The following MEIS3 variants were observed in gnomAD, a reference collection of about 807,000 sequenced individuals.
MEIS3 encodes homeobox protein Meis3.
A neutral mutation model predicts 51.4 loss-of-function variants in MEIS3; 38 were observed. The observed-to-expected ratio is 0.74, with a 90% CI of 0.57 to 0.97. The LOEUF (loss-of-function observed/expected upper bound fraction) is 0.97. Ranked by LOEUF, MEIS3 falls within the 50% of genes least tolerant of loss-of-function variation. The pLI is 0.00. For synonymous variants in MEIS3, 198 were observed against 201.8 expected (o/e 0.98, Z 0.16); for missense variants, 456 against 502.6 (o/e 0.91, Z 0.89).
At chr19:47,408,933 C>G (rs933470482) in intron 8 of MEIS3, among the ~76,000 whole-genome samples, 166 bp downstream of exon 8, 6 of 152,024 alleles carry the variant, frequency 3.9e-5, no homozygotes, top group Non-Finnish European at 7.4e-5. Context: ...TCAGGTGACA[C>G]TCAGTGCTGC....
At chr19:47,417,722 C>G in intron 1 of MEIS3, 1 of 697,194 alleles carries the variant, frequency 1.4e-6, no homozygotes, top group Non-Finnish European at 2.6e-6. Context: ...GTAGGAACCG[C>G]GCATTGTTGT....
At position 47,416,966 on chromosome 19, in the gene MEIS3, G is replaced by C; in HGVS notation, c.186-3C>G. Reference sequence around the variant, plus strand: ...CCAAGAGGGGGAAGAGCGGGTGTCTGGGGAGGCAGGAAAGGAGAGAGGTTG... The same window carrying C: ...CCAAGAGGGGGAAGAGCGGGTGTCTCGGGAGGCAGGAAAGGAGAGAGGTTG... On this transcript the variant is annotated splice_polypyrimidine_tract_variant and splice_region_variant and intron_variant, in intron 2 of 12. Transcript: ENST00000558555. 6.4e-7 allele frequency: 1 copy of C among 1,574,134 alleles called. No homozygotes were observed. Among genetic ancestry groups the C allele is most frequent in the Non-Finnish European group, 8.6e-7 (1 of 1,159,658 alleles).
chr19:47,407,159 G>C (rs755601617), intron 9 of MEIS3, 22 bp from the exon 10 acceptor site: 1 of 1,603,334 alleles, frequency 6.2e-7, no homozygotes, highest in Non-Finnish European at 8.5e-7. Flanking sequence ...TCATGGAAAC[G>C]GAGGGGAATG....
Position 47,416,874 on chromosome 19 carries a change from C to G in MEIS3, c.275G>C (p.Gly92Ala). Residue 92 changes from glycine (G) to alanine (A), a missense_variant, in exon 3 of 13, where the codon GGG becomes GCG. Gly to Ala is a moderately conservative substitution (Grantham distance 60). Transcript: ENST00000558555. ...GCAGACGTCACCTCCAGGGGGTGTC[C>G]CCAGCCCAGCTCCGGCCCCGTCACG... is the stretch of plus-strand genomic sequence containing the variant. ...SPRDGAGAGL[G>A]TPPGGDVCSS... The G allele has an allele frequency of 6.2e-7, 1 of 1,613,972 alleles. No homozygotes were observed.
Position 47,407,461 on chromosome 19 carries a change from C to T in MEIS3, c.859-33G>A. On this transcript the variant is annotated intron_variant, in intron 8 of 12. Coordinates refer to ENST00000558555, the MANE Select transcript of MEIS3 (RefSeq NM_001301059.2). ...CACCAGCAAGAGTCACTCTGCCTGC[C>T]TGGCCGGCCGCAGTCTGAACCCCAA... The T allele has an allele frequency of 1.9e-6, 3 of 1,613,844 alleles. No individual in the cohort carries two copies. The South Asian group carries it at 3.3e-5, about 18-fold the overall frequency.
At chr19:47,404,302 C>T (rs974963475) in intron 12 of MEIS3, among the ~76,000 whole-genome samples, 3 of 152,108 alleles carry the variant, frequency 2.0e-5, no homozygotes, top group African/African-American at 7.2e-5. Context: ...CCTACCCACA[C>T]TTGGCCATGA....
At chr19:47,413,868 C>T (rs531310698) in intron 6 of MEIS3, among the ~76,000 whole-genome samples, 5 of 151,710 alleles carry the variant, frequency 3.3e-5, no homozygotes, top group Non-Finnish European at 7.4e-5. Context: ...GCTGGGACTA[C>T]AGGCACCCGC....
chr19:47,407,688 T>G, intron 8 of MEIS3: 269 of 544,204 alleles, frequency 4.9e-4, no homozygotes, highest in East Asian at 1.2e-3. Flanking sequence ...GAGACTGTGT[T>G]GGGGGAGGGG....
intron 6 of MEIS3, among the ~76,000 whole-genome samples, chr19:47,413,781 G>T (rs1317690104): frequency 6.6e-6 from 1 of 150,564 alleles, no homozygotes; most frequent in Non-Finnish European, 1.5e-5. Context: ...AGGCTGGAGT[G>T]CAGTGGTGCG....
chr19:47,405,758 C>A (rs1271478674), intron 12 of MEIS3, among the ~76,000 whole-genome samples: 2 of 152,042 alleles, frequency 1.3e-5, no homozygotes, highest in African/African-American at 4.8e-5. Context: ...CCATGTTGGC[C>A]AGGCTGGTCT....
At position 47,406,898 on chromosome 19, in the gene MEIS3, G is replaced by GACGGCC. The variant is rs1568419461; in HGVS notation, c.1062_1067dup (p.Ala355_Val356dup). 2 of 1,573,104 alleles carry GACGGCC rather than the reference G, an allele frequency of 1.3e-6. No homozygotes were observed. Among genetic ancestry groups the GACGGCC allele is most frequent in the Admixed American group, 1.8e-5 (1 of 55,070 alleles). On this transcript the variant is annotated inframe_insertion, in exon 11 of 13. Coordinates refer to ENST00000558555, the MANE Select transcript of MEIS3 (RefSeq NM_001301059.2). ...GGGGGCGAGGCTTACCCGGAGGCCGGACGGCCACGTGTGGCTGCGTCTCGG... is the reference window on the plus strand; with the variant it reads ...GGGGGCGAGGCTTACCCGGAGGCCGGACGGCCACGGCCACGTGTGGCTGCGTCTCGG...
intron 6 of MEIS3, 39 bp downstream of exon 6, chr19:47,414,678 T>G (rs1971305083): frequency 6.4e-7 from 1 of 1,553,008 alleles, no homozygotes; most frequent in East Asian, 2.4e-5. Flanking sequence ...GGCACAGCTG[T>G]GGCTGCAGGA....
rs554952476 is a variant in MEIS3 at position 47,411,571 on chromosome 19, C to T, written c.598-2024G>A. Among the ~76,000 whole-genome samples, 17 of 147,708 alleles carry T rather than the reference C, an allele frequency of 1.2e-4. 1 individual carries two copies. The South Asian group carries it at 2.1e-3, about 19-fold the overall frequency. ...TTTTTTTTTTTTTGAGACGGAGTCT[C>T]GCCCTGTCCCCCAGGCTGGAGTGCA... On this transcript the variant is annotated intron_variant, in intron 6 of 12. Transcript: ENST00000558555.
intron 1 of MEIS3, chr19:47,418,787 AAGG>A (rs1971587103): frequency 6.3e-6 from 2 of 315,206 alleles, no homozygotes; most frequent in African/African-American, 2.3e-5. Flanking sequence ...GAGAGGCAGA[AAGG>A]AGGAGGAGAG....
In MEIS3 at chr19:47,410,080, G is replaced by T. The variant is rs147344043; in HGVS notation, c.598-533C>A. Among the ~76,000 whole-genome samples, 1,099 of 152,176 alleles carry T rather than the reference G, an allele frequency of 7.2e-3. 13 individuals are homozygous for T. Among genetic ancestry groups the T allele is most frequent in the African/African-American group, 0.025 (1,025 of 41,514 alleles). On this transcript the variant is annotated intron_variant, in intron 6 of 12. Coordinates refer to ENST00000558555, the MANE Select transcript of MEIS3 (RefSeq NM_001301059.2). ...CCAGCACTTTTGGAGGCTGAGGCAG[G>T]CAGATCACCTGAGGTCGGGCATTTG...
In MEIS3 at chr19:47,419,380, C is replaced by CG. The variant is rs1238926881; in HGVS notation, c.-300_-299insC. ...CGAGGCCCCCTCCTCTGGGCCCCCC[C>CG]CGTCCCTTCCCCGGCTCTGGAGGGA... On this transcript the variant is annotated 5_prime_UTR_variant, in exon 1 of 13. Transcript: ENST00000558555. 2 of 156,034 alleles carry CG rather than the reference C, an allele frequency of 1.3e-5. No individual in the cohort carries two copies. The highest frequency in any genetic ancestry group is 3.9e-4 in the East Asian group (2 of 5,158). 9.7% of individuals were successfully genotyped at this position (156,034 alleles called of 1,614,324 possible).
chr19:47,412,198 C>T (rs1444267639), intron 6 of MEIS3: 2 of 152,100 alleles, frequency 1.3e-5, no homozygotes, highest in Non-Finnish European at 2.9e-5. Flanking sequence ...TAGGATTTAC[C>T]CTCTACCCAG....
chr19:47,412,838 G>A (rs984624538), intron 6 of MEIS3, among the ~76,000 whole-genome samples: 3 of 152,094 alleles, frequency 2.0e-5, no homozygotes, highest in Non-Finnish European at 2.9e-5. Context: ...AAAGTGCTGG[G>A]ATTACAGTCG....
intron 4 of MEIS3, among the ~76,000 whole-genome samples, chr19:47,415,598 G>A (rs1713923944): frequency 7.2e-6 from 1 of 139,394 alleles, no homozygotes; most frequent in African/African-American, 2.7e-5. Flanking sequence ...TTTTGATATG[G>A]AGTCTTGCTC....
Sources: gnomAD v4.1 joint callset for allele counts (sites outside exome capture counted in the v4.1 genomes callset) on GRCh38, gnomAD v4.1.1 for gene constraint, MANE v1.5 for transcripts, NCBI Gene and HGNC (gene_info 2026-07-23, HGNC 2026-07-21) for gene names.